The following F13A1 variants were observed in gnomAD, a reference collection of about 807,000 sequenced individuals.
F13A1 encodes the protein FSF, A subunit.
F13A1 carries 47 observed loss-of-function variants against 80.1 expected under a neutral mutation model. The observed-to-expected ratio is 0.59, with a 90% CI of 0.46 to 0.75. The LOEUF is 0.75. Among genes scored for constraint, F13A1 ranks in the 30% least tolerant of loss-of-function variants. The pLI is 0.00. For missense variants in F13A1, 817 were observed against 930.4 expected (o/e 0.88, Z 1.59); for synonymous variants, 349 against 344.9 (o/e 1.01, Z -0.13).
intron 3 of F13A1, among the ~76,000 whole-genome samples, chr6:6,267,485 A>G (rs772368330): frequency 2.0e-5 from 3 of 152,156 alleles, no homozygotes; most frequent in Non-Finnish European, 4.4e-5. Flanking sequence ...CTCTTCGTGC[A>G]TACTCAATCT....
chr6:6,179,667 C>T (rs1446883383), intron 11 of F13A1, among the ~76,000 whole-genome samples: 1 of 152,122 alleles, frequency 6.6e-6, no homozygotes, highest in Admixed American at 6.5e-5. Flanking sequence ...TGTATGCCAC[C>T]CTTGATTAAG....
chr6:6,263,063 G>A (rs570838388), intron 4 of F13A1, among the ~76,000 whole-genome samples: 4 of 152,284 alleles, frequency 2.6e-5, no homozygotes, highest in African/African-American at 7.2e-5. Flanking sequence ...GTGAACCACC[G>A]TCCTCTCTCT....
chr6:6,206,562 C>A (rs375862509), intron 8 of F13A1: 13 of 502,632 alleles, frequency 2.6e-5, no homozygotes, highest in South Asian at 2.0e-4. Context: ...GGGCTTCAGG[C>A]GCTCTTTGGA....
chr6:6,227,094 G>A (rs998989069), intron 6 of F13A1, among the ~76,000 whole-genome samples: 2 of 152,094 alleles, frequency 1.3e-5, no homozygotes, highest in South Asian at 2.1e-4. Flanking sequence ...AATACCGAAC[G>A]AAATAAAAAA....
chr6:6,155,744 A>G (rs1760463175), intron 13 of F13A1, among the ~76,000 whole-genome samples: 2 of 152,278 alleles, frequency 1.3e-5, no homozygotes, highest in South Asian at 4.2e-4. Context: ...TTTTCACGTT[A>G]TGTGTTGATT....
At chr6:6,226,611 T>C (rs986707822) in intron 6 of F13A1, among the ~76,000 whole-genome samples, 2 of 152,116 alleles carry the variant, frequency 1.3e-5, no homozygotes, top group Non-Finnish European at 2.9e-5. Flanking sequence ...CTGTGTCTAG[T>C]TGTAGAGAAG....
At chr6:6,206,261 G>A (rs755849088) in intron 8 of F13A1, 3 of 314,162 alleles carry the variant, frequency 9.5e-6, no homozygotes, top group Non-Finnish European at 1.9e-5. Flanking sequence ...TTACCAAAAG[G>A]AATTACATTA....
Position 6,276,623 on chromosome 6 carries a change from T to C in F13A1, c.320-9814A>G, listed in dbSNP as rs529767192. 2.0e-5 allele frequency among the ~76,000 whole-genome samples: 3 copies of C among 152,138 alleles called. No individual in the cohort carries two copies. The South Asian group carries it at 6.2e-4, about 32-fold the overall frequency. ...CTTAAGTAACTAGCTCTAGGCTACA[T>C]AGCTATCAGGATGCAGAACAATCAT... is the stretch of plus-strand genomic sequence containing the variant. On this transcript the variant is annotated intron_variant, in intron 3 of 14. Transcript: ENST00000264870.
rs182709126 is a variant in F13A1, at chr6:6,305,350, C to T, written c.319+1G>A. On this transcript the variant is annotated splice_donor_variant, in intron 3 of 14. Coordinates refer to ENST00000264870, the MANE Select transcript of F13A1 (RefSeq NM_000129.4). LOFTEE classifies it high-confidence loss of function. ...GACTGGAGCTTGCACATGGCACTCA[C>T]CAATGACGTATTCCACCCTGAAGAG... 2.5e-6 allele frequency: 4 copies of T among 1,614,214 alleles called. No homozygotes were observed. Among genetic ancestry groups the T allele is most frequent in the African/African-American group, 2.7e-5 (2 of 75,060 alleles).
At chr6:6,268,168 A>G (rs147033470) in intron 3 of F13A1, among the ~76,000 whole-genome samples, 75 of 152,372 alleles carry the variant, frequency 4.9e-4, no homozygotes, top group African/African-American at 1.8e-3. Context: ...TGTGCTAGAC[A>G]TTATCCTAAG....
At position 6,195,737 on chromosome 6, in the gene F13A1, T is replaced by C; in HGVS notation, c.1305+60A>G. 4.7e-6 allele frequency: 7 copies of C among 1,482,418 alleles called. No individual in the cohort carries two copies. In the Middle Eastern group the frequency reaches 8.6e-4, roughly 182 times the overall value. 91.8% of individuals were successfully genotyped at this position (1,482,418 alleles called of 1,614,324 possible). ...TTAGAAACAACAACTTTTAGCTTAC[T>C]CTTTCATGTGTTAAGAGGTTGGGGA... is the stretch of plus-strand genomic sequence containing the variant. On this transcript the variant is annotated intron_variant, in intron 10 of 14. Coordinates refer to ENST00000264870, the MANE Select transcript of F13A1 (RefSeq NM_000129.4).
chr6:6,200,128 G>A (rs374353439), intron 8 of F13A1, among the ~76,000 whole-genome samples: 1 of 152,178 alleles, frequency 6.6e-6, no homozygotes, highest in Non-Finnish European at 1.5e-5. Flanking sequence ...GGCCTAAGAG[G>A]CATTTTTGTC....
intron 8 of F13A1, among the ~76,000 whole-genome samples, chr6:6,221,204 T>A (rs1757188003): frequency 6.6e-6 from 1 of 152,150 alleles, no homozygotes. Flanking sequence ...ACTCTTAGGA[T>A]TTTTTTCGTT....
chr6:6,159,114 G>T (rs1760530097), intron 13 of F13A1, among the ~76,000 whole-genome samples: 1 of 152,038 alleles, frequency 6.6e-6, no homozygotes, highest in Admixed American at 6.5e-5. Flanking sequence ...TGTTAGCCAG[G>T]ATGGTCTCGA....
At chr6:6,316,171 A>ACTTGCTGT (rs1212438391) in intron 2 of F13A1, among the ~76,000 whole-genome samples, 1 of 113,596 alleles carries the variant, frequency 8.8e-6, no homozygotes, top group Admixed American at 1.1e-4. Context: ...CTCATCTGGG[A>ACTTGCTGT]CTTGCTGTCA....
chr6:6,146,746 C>T (rs1019000130), intron 14 of F13A1, among the ~76,000 whole-genome samples: 22 of 152,068 alleles, frequency 1.4e-4, no homozygotes, highest in East Asian at 9.6e-4. Flanking sequence ...AATTTGAACC[C>T]GGGTTTTTCT....
Position 6,258,156 on chromosome 6 carries a change from A to G in F13A1, c.572-7227T>C, listed in dbSNP as rs983116318. 2.0e-5 allele frequency among the ~76,000 whole-genome samples: 3 copies of G among 152,088 alleles called. No individual in the cohort carries two copies. The East Asian group carries it at 5.8e-4, about 29-fold the overall frequency. ...CTGATGGCTTTTGTTTTAAAAATAT[A>G]AGTGCTTACCTTGACAGAGTCAGGA... is the stretch of plus-strand genomic sequence containing the variant. On this transcript the variant is annotated intron_variant, in intron 4 of 14. Transcript: ENST00000264870.
In F13A1 at chr6:6,250,786, C is replaced by T. The variant is rs1757620684; in HGVS notation, c.690+25G>A. On this transcript the variant is annotated intron_variant, in intron 5 of 14. Transcript: ENST00000264870. The surrounding 1 kb of genome is among the most constrained non-coding windows in gnomAD (Gnocchi z 4.2). ...AAATATGAAGTAAAAATGTCCTTGA[C>T]AATAACAAATTTTAAGTGGCTCACC... 1 of 1,485,660 alleles carries T rather than the reference C, an allele frequency of 6.7e-7. No individual in the cohort carries two copies. The allele number at this position is 1,485,660 out of a possible 1,614,324, so 92.0% of individuals were successfully genotyped here.
At chr6:6,150,350 A>C (rs1760352775) in intron 14 of F13A1, among the ~76,000 whole-genome samples, 1 of 152,002 alleles carries the variant, frequency 6.6e-6, no homozygotes, top group South Asian at 2.1e-4. Context: ...GTTGATTACT[A>C]ATTTACTTAT....
Sources: allele counts gnomAD v4.1 joint callset (sites outside exome capture counted in the v4.1 genomes callset), GRCh38; gene constraint gnomAD v4.1.1; non-coding constraint Gnocchi (gnomAD v3.1); transcripts MANE v1.5; gene names NCBI Gene and HGNC (gene_info 2026-07-23, HGNC 2026-07-21).